USP28: variants seen among roughly 807,000 people sequenced by gnomAD.
USP28 encodes ubiquitin specific peptidase 28.
USP28 carries 113 observed loss-of-function variants against 145.0 expected under a neutral mutation model. The observed-to-expected ratio is 0.78, with a 90% CI of 0.67 to 0.91. The LOEUF is 0.91. Among genes scored for constraint, USP28 ranks in the 40% least tolerant of loss-of-function variants. USP28 has a pLI of 0.00. For missense variants in USP28, 1,201 were observed against 1,289.6 expected (o/e 0.93, Z 1.05); for synonymous variants, 447 against 450.9 (o/e 0.99, Z 0.11).
At chr11:113,819,179 C>G (rs1278748500) in intron 12 of USP28, among the ~76,000 whole-genome samples, 1 of 150,748 alleles carries the variant, frequency 6.6e-6, no homozygotes, top group Non-Finnish European at 1.5e-5. Context: ...GCGGCACGAT[C>G]TCGGCTTACT....
chr11:113,848,225 A>C (rs1415265683), intron 3 of USP28, among the ~76,000 whole-genome samples: 2 of 152,228 alleles, frequency 1.3e-5, no homozygotes, highest in African/African-American at 2.4e-5. Flanking sequence ...AGCACTACCA[A>C]AGGTGGGTGG....
chr11:113,830,768 T>TA, intron 9 of USP28, 99 bp downstream of exon 9: 1 of 1,115,968 alleles, frequency 9.0e-7, no homozygotes, highest in Admixed American at 2.0e-5. Flanking sequence ...TGAGTACTGC[T>TA]GACTCTCAAG....
chr11:113,873,750 C>T (rs1591537281), intron 1 of USP28, among the ~76,000 whole-genome samples: 1 of 70,966 alleles, frequency 1.4e-5, no homozygotes, highest in East Asian at 3.8e-4. Context: ...TCAATAGGCA[C>T]TTGTGAACAT....
intron 1 of USP28, among the ~76,000 whole-genome samples, chr11:113,866,866 T>C (rs1357455889): frequency 6.6e-6 from 1 of 152,176 alleles, no homozygotes; most frequent in Admixed American, 6.6e-5. Flanking sequence ...GAACTATTCA[T>C]AATAACCAAA....
chr11:113,826,337 A>ATTTTTTTTTTT (rs71063527), intron 11 of USP28, among the ~76,000 whole-genome samples: 1 of 50,736 alleles, frequency 2.0e-5, no homozygotes, highest in Admixed American at 4.2e-4. Context: ...CACCACACCC[A>ATTTTTTTTTTT]TTTTTTTTTT....
chr11:113,813,746 C>A, intron 15 of USP28, 139 bp downstream of exon 15: 1 of 714,970 alleles, frequency 1.4e-6, no homozygotes, highest in Non-Finnish European at 2.3e-6. Flanking sequence ...AGAAACAGAA[C>A]AACATCAATT....
intron 1 of USP28, among the ~76,000 whole-genome samples, chr11:113,870,510 G>A (rs770347508): frequency 6.6e-6 from 1 of 152,248 alleles, no homozygotes; most frequent in Non-Finnish European, 1.5e-5. Context: ...CTGGGTGACA[G>A]AGGGAGAGAT....
chr11:113,802,505 C>T (rs9630198), intron 23 of USP28, among the ~76,000 whole-genome samples: 7,092 of 152,246 alleles, frequency 0.047, 506 homozygotes, highest in East Asian at 0.31. Context: ...ACTCTGAAGG[C>T]AGGCCACCCC....
intron 24 of USP28, among the ~76,000 whole-genome samples, chr11:113,800,286 T>G (rs1261841476): frequency 6.6e-6 from 1 of 152,082 alleles, no homozygotes; most frequent in Non-Finnish European, 1.5e-5. Context: ...ACTACAGGCG[T>G]GAGCCACTGC....
chr11:113,830,807 G>C, intron 9 of USP28, 60 bp downstream of exon 9: 2 of 1,536,816 alleles, frequency 1.3e-6, no homozygotes, highest in Non-Finnish European at 1.8e-6. Context: ...TCCTCAAAGG[G>C]ACACAGTAAT....
intron 1 of USP28, among the ~76,000 whole-genome samples, chr11:113,872,690 T>G (rs1948948044): frequency 6.6e-6 from 1 of 152,150 alleles, no homozygotes; most frequent in Admixed American, 6.6e-5. Flanking sequence ...ACATAAAGAA[T>G]GTGTGATGTG....
rs572359903 is a variant in USP28, at chr11:113,831,703, A to G, written c.833+217T>C. ...TTAACAGTTACAGTCCTTTAGTTAG[A>G]AAAAAAAAAAAGCTGCAGGATAAGA... is the stretch of plus-strand genomic sequence containing the variant. On this transcript the variant is annotated intron_variant, in intron 8 of 24. Coordinates refer to ENST00000003302, the Ensembl canonical transcript of USP28. Among the ~76,000 whole-genome samples the G allele has an allele frequency of 7.9e-5, 11 of 138,812 alleles. No homozygotes were observed. In the East Asian group the frequency reaches 2.2e-3, roughly 27 times the overall value. 91.1% of individuals were successfully genotyped at this position (138,812 alleles called of 152,430 possible).
intron 16 of USP28, 116 bp from the exon 17 acceptor site, chr11:113,809,370 C>T (rs1940586655): frequency 1.0e-6 from 1 of 978,770 alleles, no homozygotes; most frequent in South Asian, 1.7e-5. Context: ...AATACATGCA[C>T]ATAGAATCCA....
intron 13 of USP28, among the ~76,000 whole-genome samples, chr11:113,815,780 T>C (rs1005707151): frequency 5.9e-5 from 9 of 152,050 alleles, no homozygotes; most frequent in African/African-American, 1.9e-4. Context: ...CCTGGAAGAA[T>C]CAAGGAATCA....
At chr11:113,868,846 C>A (rs1222310192) in intron 1 of USP28, among the ~76,000 whole-genome samples, 1 of 150,768 alleles carries the variant, frequency 6.6e-6, no homozygotes. Context: ...TTGCTTGGGC[C>A]CAGGAGGTTG....
intron 10 of USP28, chr11:113,828,976 A>G (rs1943678221): frequency 4.3e-6 from 3 of 690,958 alleles, no homozygotes; most frequent in Admixed American, 4.2e-5. Flanking sequence ...GCAGCATACA[A>G]CCTTTACACG....
At chr11:113,842,061 GTC>G (rs1469862549) in intron 3 of USP28, among the ~76,000 whole-genome samples, 2 of 152,118 alleles carry the variant, frequency 1.3e-5, no homozygotes. Flanking sequence ...GGGTTAAATA[GTC>G]TCTATTATCA....
chr11:113,829,265 C>T, exon 10 of USP28: 2 of 1,614,144 alleles, frequency 1.2e-6, no homozygotes, highest in East Asian at 4.5e-5. Flanking sequence ...ATGGCCCCTT[C>T]CAAACACTCG....
chr11:113,827,280 C>T (rs17802314), exon 11 of USP28: 182,249 of 1,612,072 alleles, frequency 0.11, 10,804 homozygotes, highest in Middle Eastern at 0.18. Flanking sequence ...TGTGAATTTT[C>T]TCTGGCTGCC....
Sources: gnomAD v4.1 joint callset for allele counts (sites outside exome capture counted in the v4.1 genomes callset) on GRCh38, gnomAD v4.1.1 for gene constraint, MANE v1.5 for transcripts, NCBI Gene and HGNC (gene_info 2026-07-23, HGNC 2026-07-21) for gene names.